CHAF1A: variants seen among roughly 807,000 people sequenced by gnomAD.
The protein encoded by CHAF1A is chromatin assembly factor 1 subunit A, also known as CAF-1 subunit A.
CHAF1A carries 5 observed loss-of-function variants against 93.2 expected under a neutral mutation model. The ratio of observed to expected loss-of-function variants is 0.05; its 90% confidence interval spans 0.03 to 0.11. The LOEUF is 0.11. Ranked by LOEUF, CHAF1A falls within the 10% of genes least tolerant of loss-of-function variation. The pLI is 1.00. For synonymous variants in CHAF1A, 504 were observed against 510.3 expected (o/e 0.99, Z 0.17); for missense variants, 1,102 against 1,259.9 (o/e 0.87, Z 1.90).
chr19:4,432,825 T>A (rs1974211329), intron 12 of CHAF1A, among the ~76,000 whole-genome samples: 1 of 151,508 alleles, frequency 6.6e-6, no homozygotes, highest in African/African-American at 2.4e-5. Flanking sequence ...GGGCAGTCAT[T>A]TGGGTAGGAA....
At chr19:4,423,422 C>T (rs11668886) in intron 6 of CHAF1A, 27 bp downstream of exon 6, 342,492 of 1,612,066 alleles carry the variant, frequency 0.21, 40,074 homozygotes, top group Non-Finnish European at 0.24. Flanking sequence ...AGAGCTTCCC[C>T]GTCCCAGCCC....
At chr19:4,428,538 T>TG in intron 7 of CHAF1A, 126 bp from the exon 8 acceptor site, 3 of 792,126 alleles carry the variant, frequency 3.8e-6, no homozygotes, top group Non-Finnish European at 6.1e-6. Context: ...ACACAGTGCC[T>TG]GGGCTTTTGA....
At chr19:4,448,995 G>C (rs868604732), downstream of CHAF1A, 2 of 155,772 alleles carry the variant, frequency 1.3e-5, no homozygotes, top group African/African-American at 4.8e-5. Context: ...GCCCCTCCCC[G>C]AGGTCCCACC....
downstream of CHAF1A, chr19:4,446,303 G>T: frequency 6.4e-7 from 1 of 1,572,886 alleles, no homozygotes; most frequent in East Asian, 2.3e-5. Context: ...GCAGCCATCG[G>T]GGAGGCGCAC....
chr19:4,443,374 T>G lies in CHAF1A; in HGVS notation c.*349T>G. ...GGCCCCTGGACCTAACGAGGCAGTGTATAAACTTATTCTCTAGCCCTGAGC... is the reference window on the plus strand; with the variant it reads ...GGCCCCTGGACCTAACGAGGCAGTGGATAAACTTATTCTCTAGCCCTGAGC... On this transcript the variant is annotated 3_prime_UTR_variant, in exon 15 of 15. Transcript: ENST00000301280. The G allele has an allele frequency of 3.3e-6, 1 of 299,064 alleles. No homozygotes were observed. Among genetic ancestry groups the G allele is most frequent in the Middle Eastern group, 1.2e-3 (1 of 824 alleles). The allele number at this position is 299,064 out of a possible 1,614,324, so 18.5% of individuals were successfully genotyped here. A position where few individuals can be genotyped will look rare whatever the true frequency, so the allele number is the denominator to read the frequency against.
chr19:4,423,941 A>G, intron 7 of CHAF1A, 67 bp downstream of exon 7: 12 of 1,462,174 alleles, frequency 8.2e-6, no homozygotes, highest in Non-Finnish European at 1.2e-5. Context: ...TGAAAGTGAA[A>G]GGGTCTCTCC....
intron 11 of CHAF1A, 104 bp from the exon 12 acceptor site, chr19:4,431,848 C>CT (rs1974188143): frequency 6.1e-6 from 9 of 1,467,308 alleles, no homozygotes; most frequent in Non-Finnish European, 8.3e-6. Flanking sequence ...TGCCCCTGTC[C>CT]TTTCCTCTTG....
chr19:4,442,249 G>T lies in CHAF1A; in HGVS notation c.2678G>T (p.Gly893Val), dbSNP rs775077110. The T allele has an allele frequency of 6.2e-7, 1 of 1,614,006 alleles. No homozygotes were observed. Among genetic ancestry groups the T allele is most frequent in the African/African-American group, 1.3e-5 (1 of 75,062 alleles). ...CCGTGTACCCTGTCTGTCCAGATTG[G>T]TGCTGAAGACATGGACGGCTTCCAG... The part of the protein sequence containing the change: ...MKKRRHDGQI[G>V]AEDMDGFQAD... The change falls in exon 14 of 15, where the codon GGT becomes GTT. Residue 893 changes from glycine to valine, a missense_variant. This residue lies in a region of CHAF1A where 119 missense variants were observed against 102.2 expected (regional missense o/e 1.16). Transcript: ENST00000301280.
chr19:4,439,503 T>G (rs1263273632), intron 13 of CHAF1A, among the ~76,000 whole-genome samples: 1 of 152,176 alleles, frequency 6.6e-6, no homozygotes. Flanking sequence ...AAATCCTGTC[T>G]TCAGCCTAGA....
chr19:4,416,131 G>A (rs1050014703), intron 3 of CHAF1A, among the ~76,000 whole-genome samples: 1 of 151,906 alleles, frequency 6.6e-6, no homozygotes, highest in Non-Finnish European at 1.5e-5. Context: ...CCGAGATGGC[G>A]CCACTGCACT....
downstream of CHAF1A, chr19:4,448,240 A>AGGGGGTGACAGCCCCAGTGGG (rs1974579908): frequency 7.6e-7 from 1 of 1,313,848 alleles, no homozygotes. Context: ...AGGGGGCCAG[A>AGGGGGTGACAGCCCCAGTGGG]GGGGGTGACA....
intron 13 of CHAF1A, among the ~76,000 whole-genome samples, chr19:4,439,073 A>G (rs1035303967): frequency 1.3e-5 from 2 of 152,040 alleles, no homozygotes; most frequent in African/African-American, 4.8e-5. Context: ...TTGAGAGGCC[A>G]GGAGTTCAAG....
chr19:4,440,599 C>A (rs921023587), intron 13 of CHAF1A, among the ~76,000 whole-genome samples: 8 of 152,136 alleles, frequency 5.3e-5, no homozygotes, highest in Middle Eastern at 3.4e-3. Flanking sequence ...AAGTCACAGT[C>A]ATCACTTCAC....
downstream of CHAF1A, chr19:4,446,282 C>T (rs1324258056): frequency 1.3e-6 from 2 of 1,571,808 alleles, no homozygotes; most frequent in Admixed American, 1.8e-5. Flanking sequence ...TTGGTGCCCA[C>T]CCTGCAGGAG....
At chr19:4,446,600 G>T (rs558461737), downstream of CHAF1A, 20 of 1,612,490 alleles carry the variant, frequency 1.2e-5, no homozygotes, top group Non-Finnish European at 1.6e-5. Context: ...AAGACGCGGC[G>T]CTGCCTGTCC....
intron 1 of CHAF1A, 61 bp from the exon 2 acceptor site, chr19:4,405,851 A>G (rs193299087): frequency 6.7e-7 from 1 of 1,482,228 alleles, no homozygotes; most frequent in African/African-American, 1.4e-5. Flanking sequence ...CTACATATGT[A>G]TTTGCTAACT....
intron 7 of CHAF1A, among the ~76,000 whole-genome samples, chr19:4,424,193 T>A (rs561467097): frequency 2.6e-5 from 4 of 152,344 alleles, no homozygotes; most frequent in African/African-American, 9.6e-5. Context: ...AGGGAGCACG[T>A]TTAGCTGTAA....
chr19:4,411,891 C>T (rs555401755), intron 3 of CHAF1A, among the ~76,000 whole-genome samples: 5 of 151,934 alleles, frequency 3.3e-5, no homozygotes, highest in Admixed American at 2.0e-4. Context: ...TCAGGTGATC[C>T]GCTTGCCTCG....
chr19:4,446,064 C>A, downstream of CHAF1A: 1 of 1,612,114 alleles, frequency 6.2e-7, no homozygotes, highest in African/African-American at 1.3e-5. Flanking sequence ...CGCACTCGTT[C>A]AAGGCCAGGT....
Sources: allele counts gnomAD v4.1 joint callset (sites outside exome capture counted in the v4.1 genomes callset), GRCh38; gene constraint gnomAD v4.1.1; regional missense constraint gnomAD v4.1.1; transcripts MANE v1.5; gene names NCBI Gene and HGNC (gene_info 2026-07-23, HGNC 2026-07-21).